The following CCDC125 variants were observed in gnomAD, a reference collection of about 807,000 sequenced individuals.
The protein encoded by CCDC125 is coiled-coil domain containing 125, also known as coiled-coil domain-containing protein 125.
In CCDC125, 43 loss-of-function variants were observed where a neutral mutation model predicts 57.4. The ratio of observed to expected loss-of-function variants is 0.75; its 90% confidence interval spans 0.59 to 0.97. The LOEUF (loss-of-function observed/expected upper bound fraction) is 0.97. Ranked by LOEUF, CCDC125 falls within the 50% of genes least tolerant of loss-of-function variation. The pLI is 0.00. For synonymous variants in CCDC125, 187 were observed against 195.2 expected, an observed-to-expected ratio of 0.96 and a Z score of 0.35; for missense variants, 563 against 595.7, an observed-to-expected ratio of 0.95 and a Z score of 0.57.
rs146592817 is a variant in CCDC125, at chr5:69,299,644, T to C, written c.816+368A>G. On this transcript the variant is annotated intron_variant, in intron 8 of 11. Transcript: ENST00000396496. The stretch of plus-strand genomic sequence containing the variant: ...CCTCTTCTCTAAAATGGGGATAATA[T>C]CTGCTTTGCAGCCCTCACAAGACTC... Among the ~76,000 whole-genome samples the C allele has an allele frequency of 1.7e-3, 261 of 152,328 alleles. 1 individual carries two copies. The highest frequency in any genetic ancestry group is 5.9e-3 in the African/African-American group (246 of 41,574).
intron 10 of CCDC125, among the ~76,000 whole-genome samples, chr5:69,287,977 T>C (rs1396716822): frequency 6.6e-6 from 1 of 152,174 alleles, no homozygotes; most frequent in Non-Finnish European, 1.5e-5. Flanking sequence ...GAATCTTCCT[T>C]AGATTTGTCA....
chr5:69,292,276 T>G lies in CCDC125; in HGVS notation c.1011A>C (p.Lys337Asn). 1 of 1,613,930 alleles carries G rather than the reference T, an allele frequency of 6.2e-7. No homozygotes were observed. Among genetic ancestry groups the G allele is most frequent in the Non-Finnish European group, 8.5e-7 (1 of 1,179,926 alleles). ...RIAFEQQLMR[K>N]NDQALQLTQM... is the part of the protein sequence containing the mutation. ...GTGTCAATTGTAGTGCCTGGTCATT[T>G]TTTCTCATTAATTGTTGCTCAAATG... The change falls in exon 10 of 12, where the codon AAA becomes AAC. Residue 337 changes from lysine (K) to asparagine (N), a missense_variant. Physicochemically the swap from Lys to Asn is moderately conservative, Grantham distance 94. Coordinates refer to ENST00000396496, the MANE Select transcript of CCDC125 (RefSeq NM_176816.5).
chr5:69,277,803 A>C (rs904874059), downstream of CCDC125, among the ~76,000 whole-genome samples: 1 of 152,136 alleles, frequency 6.6e-6, no homozygotes, highest in African/African-American at 2.4e-5. Context: ...GGTGTAGTAA[A>C]TACTACCCAA....
intron 8 of CCDC125, among the ~76,000 whole-genome samples, chr5:69,297,484 C>T (rs767361201): frequency 2.0e-5 from 3 of 151,662 alleles, no homozygotes; most frequent in Non-Finnish European, 4.4e-5. Context: ...CTCAGCCTCC[C>T]AAGTAGCTGG....
downstream of CCDC125, chr5:69,277,235 G>C (rs1013247806): frequency 3.4e-5 from 26 of 764,262 alleles, no homozygotes; most frequent in African/African-American, 4.3e-4. Context: ...AAGTGAGTTT[G>C]TAAATATTCT....
At position 69,285,419 on chromosome 5, in the gene CCDC125, C is replaced by A; in HGVS notation, c.1148G>T (p.Gly383Val). The A allele has an allele frequency of 6.2e-7, 1 of 1,610,292 alleles. No individual in the cohort carries two copies. The highest frequency in any genetic ancestry group is 8.5e-7 in the Non-Finnish European group (1 of 1,178,580). ...SKKTFGQRLL[G>V]MLPSENSSKR... ...AGAACTGTTTTCTGAAGGGAGCATA[C>A]CCAACAGTCTCTGCCCGAAGGTCTT... is the stretch of plus-strand genomic sequence containing the variant. The change falls in exon 11 of 12, where the codon GGT (glycine) becomes GTT (valine). Residue 383 changes from glycine (G) to valine (V), a missense_variant. Transcript: ENST00000396496.
chr5:69,331,525 C>T (rs1442683974), intron 1 of CCDC125, among the ~76,000 whole-genome samples: 1 of 152,038 alleles, frequency 6.6e-6, no homozygotes, highest in Non-Finnish European at 1.5e-5. Flanking sequence ...CCACTGCGCC[C>T]AGCCGAAACT....
At chr5:69,319,478 A>G (rs1759671108) in intron 2 of CCDC125, among the ~76,000 whole-genome samples, 1 of 150,058 alleles carries the variant, frequency 6.7e-6, no homozygotes. Flanking sequence ...ATAAACATCG[A>G]CTACTTTTTT....
chr5:69,314,796 T>C (rs6877725), intron 2 of CCDC125, among the ~76,000 whole-genome samples: 67,326 of 151,748 alleles, frequency 0.44, 15,098 homozygotes, highest in South Asian at 0.49. Flanking sequence ...AGAGCAAGAC[T>C]ATCTAAAAAA....
At chr5:69,297,322 T>C (rs1755519646) in intron 8 of CCDC125, among the ~76,000 whole-genome samples, 1 of 151,786 alleles carries the variant, frequency 6.6e-6, no homozygotes, top group African/African-American at 2.4e-5. Context: ...ATTATAGATG[T>C]GAGCCACTGC....
intron 1 of CCDC125, among the ~76,000 whole-genome samples, chr5:69,331,983 T>A (rs1761476724): frequency 6.6e-6 from 1 of 152,248 alleles, no homozygotes; most frequent in South Asian, 2.1e-4. Context: ...ACAACATGTG[T>A]TCCAAAGATA....
rs1390574836 is a variant in CCDC125, at chr5:69,292,191, C to T, written c.1096G>A (p.Asp366Asn). The part of the protein sequence containing the change: ...KWMNWKHLKE[D>N]GFPSPRSKKT... ...TGCCATTATAATTCATAGTTACCAT[C>T]CTCTTTAAGGTGCTTCCAATTCATC... The change falls in exon 10 of 12, where the codon GAT becomes AAT. Residue 366 changes from aspartate (D) to asparagine (N), a missense_variant. Asp to Asn is a conservative substitution (Grantham distance 23). Transcript: ENST00000396496. 2 of 1,606,782 alleles carry T rather than the reference C, an allele frequency of 1.2e-6. No homozygotes were observed. Among genetic ancestry groups the T allele is most frequent in the Non-Finnish European group, 1.7e-6 (2 of 1,177,158 alleles).
rs1161065107 is a variant in CCDC125 at position 69,283,064 on chromosome 5, G to A, written c.1231-30C>T. 4 of 1,511,306 alleles carry A rather than the reference G, an allele frequency of 2.6e-6. No homozygotes were observed. The East Asian group carries it at 9.0e-5, about 34-fold the overall frequency. 93.6% of individuals were successfully genotyped at this position (1,511,306 alleles called of 1,614,324 possible). On this transcript the variant is annotated intron_variant, in intron 11 of 11. Transcript: ENST00000396496. ...ATGCACAGAAATTAAACATGTACAA[G>A]TTAGTCAATAAATCACAGAATATAT...
chr5:69,300,668 AT>A (rs1756248544), intron 7 of CCDC125, among the ~76,000 whole-genome samples: 1 of 152,048 alleles, frequency 6.6e-6, no homozygotes, highest in Non-Finnish European at 1.5e-5. Context: ...AGGACTTATG[AT>A]CATGAGCAGC....
intron 4 of CCDC125, chr5:69,308,516 C>T (rs1757683276): frequency 5.5e-6 from 1 of 182,608 alleles, no homozygotes; most frequent in Admixed American, 5.7e-5. Context: ...TCTCTTGCTG[C>T]TGCCATGTTA....
At chr5:69,291,924 G>T (rs1241802899) in intron 10 of CCDC125, among the ~76,000 whole-genome samples, 1 of 152,034 alleles carries the variant, frequency 6.6e-6, no homozygotes, top group African/African-American at 2.4e-5. Context: ...ACTAAACATG[G>T]TCTTATTTAA....
At chr5:69,304,302 A>T (rs1756978974) in intron 6 of CCDC125, among the ~76,000 whole-genome samples, 1 of 151,676 alleles carries the variant, frequency 6.6e-6, no homozygotes, top group Non-Finnish European at 1.5e-5. Context: ...ACGGGATTTC[A>T]CCATGTTGGC....
At position 69,311,636 on chromosome 5, in the gene CCDC125, C is replaced by A. The variant is rs138254221; in HGVS notation, c.367-432G>T. On this transcript the variant is annotated intron_variant, in intron 3 of 11. Coordinates refer to ENST00000396496, the MANE Select transcript of CCDC125 (RefSeq NM_176816.5). Reference sequence around the variant, plus strand: ...CACTGCACTCCAGTCTGGGTGACAGCAAGACTCTGTCTCAATTAAAAAAAT... The same window carrying A: ...CACTGCACTCCAGTCTGGGTGACAGAAAGACTCTGTCTCAATTAAAAAAAT... Among the ~76,000 whole-genome samples, 560 of 151,634 alleles carry A rather than the reference C, an allele frequency of 3.7e-3. 4 individuals carry two copies. Among genetic ancestry groups the A allele is most frequent in the African/African-American group, 0.013 (544 of 41,344 alleles).
At chr5:69,325,492 AAC>A (rs1410485223) in intron 1 of CCDC125, among the ~76,000 whole-genome samples, 1 of 152,066 alleles carries the variant, frequency 6.6e-6, no homozygotes, top group African/African-American at 2.4e-5. Flanking sequence ...GAGACTGAGT[AAC>A]ACAGTCAACC....
Sources: gnomAD v4.1 joint callset for allele counts (sites outside exome capture counted in the v4.1 genomes callset) on GRCh38, gnomAD v4.1.1 for gene constraint, MANE v1.5 for transcripts, NCBI Gene and HGNC (gene_info 2026-07-23, HGNC 2026-07-21) for gene names.